Variants in UTS2 observed in about 807,000 individuals in gnomAD.
The protein encoded by UTS2 is urotensin 2, also known as urotensin-2.
Under a neutral mutation model 12.6 loss-of-function variants are expected in UTS2, and 10 were observed. The observed-to-expected ratio is 0.80, with a 90% CI of 0.49 to 1.35. The LOEUF is 1.35. Ranked by LOEUF, UTS2 falls within the 40% of genes most tolerant of loss-of-function variation. The pLI, the probability that UTS2 is intolerant of heterozygous loss-of-function variation, is 0.00. For missense variants in UTS2, 142 were observed against 143.2 expected (o/e 0.99, Z 0.04); for synonymous variants, 52 against 50.0 (o/e 1.04, Z -0.17).
upstream of UTS2, chr1:7,853,449 G>A: frequency 6.2e-7 from 1 of 1,610,066 alleles, no homozygotes; most frequent in Non-Finnish European, 8.5e-7. Context: ...TCTTTCATGA[G>A]TGAGTAGATG....
At chr1:7,853,520 G>A (rs190622380), upstream of UTS2, 152 of 1,508,504 alleles carry the variant, frequency 1.0e-4, 2 homozygotes, top group Admixed American at 3.0e-3. Context: ...GGATTAAAAC[G>A]TAAAACCAGC....
Position 7,850,916 on chromosome 1 carries a change from T to C in UTS2, c.110A>G (p.His37Arg). Residue 37 changes from histidine (H) to arginine (R), a missense_variant, in exon 2 of 4, where the codon CAT becomes CGT. His to Arg is a conservative substitution (Grantham distance 29). Transcript: ENST00000361696. ...REISFQLSAP[H>R]EDARLTPEEL... ...CTCCGGAGTTAAGCGCGCGTCTTCA[T>C]GAGGTGCTACAGAGTAAAAACAGAT... The C allele has an allele frequency of 1.9e-6, 3 of 1,614,074 alleles. No homozygotes were observed. Among genetic ancestry groups the C allele is most frequent in the Non-Finnish European group, 1.7e-6 (2 of 1,179,952 alleles).
chr1:7,894,060 C>T, the UTS2 span, among the ~76,000 whole-genome samples: 20 of 152,014 alleles, frequency 1.3e-4, no homozygotes, highest in Non-Finnish European at 2.9e-5. Flanking sequence ...TGCGTCTTGC[C>T]AAAGTAAATG....
the UTS2 span, among the ~76,000 whole-genome samples, chr1:7,890,022 G>A: frequency 3.3e-5 from 5 of 150,484 alleles, no homozygotes; most frequent in African/African-American, 4.9e-5. Context: ...AGTGGAGATC[G>A]CGCCGCTGCA....
the UTS2 span, among the ~76,000 whole-genome samples, chr1:7,873,792 G>T: frequency 3.9e-5 from 6 of 152,178 alleles, no homozygotes; most frequent in African/African-American, 1.4e-4. Flanking sequence ...AGCATTGGCA[G>T]GGTTTGAAAG....
rs763688114 is a variant in UTS2, at chr1:7,847,876, C to A, written c.265G>T (p.Asp89Tyr). The change falls in exon 4 of 4, where the codon GAT (aspartate) becomes TAT (tyrosine). Residue 89 changes from aspartate to tyrosine, a missense_variant. Physicochemically the swap from Asp to Tyr is radical, Grantham distance 160. Transcript: ENST00000361696. ...ATGTTAGGATCTTGTCCAGAGAAAT[C>A]CTGAAACTAAAACAATCCAAACGAA... ...NPRGNLRKFQ[D>Y]FSGQDPNILL... 4 of 1,607,532 alleles carry A rather than the reference C, an allele frequency of 2.5e-6. No homozygotes were observed. In the South Asian group the frequency reaches 4.5e-5, roughly 18 times the overall value.
chr1:7,870,858 G>GT, the UTS2 span, among the ~76,000 whole-genome samples: 4 of 143,732 alleles, frequency 2.8e-5, no homozygotes, highest in Non-Finnish European at 4.8e-5. Context: ...CAAAATTGAG[G>GT]TTTTTTACTC....
rs1163560567 is a variant in UTS2, at chr1:7,847,701, A to G, written c.*65T>C. 7 of 1,265,456 alleles carry G rather than the reference A, an allele frequency of 5.5e-6. No individual in the cohort carries two copies. In the African/African-American group the frequency reaches 7.5e-5, roughly 14 times the overall value. The allele number at this position is 1,265,456 out of a possible 1,614,324, so 78.4% of individuals were successfully genotyped here. On this transcript the variant is annotated 3_prime_UTR_variant, in exon 4 of 4. Transcript: ENST00000361696. ...TCTCCACACTGTTTTCAAATCAAGC[A>G]TTGTGTTATTTTTCATATTCTAAGA...
the UTS2 span, among the ~76,000 whole-genome samples, chr1:7,907,588 C>T: frequency 1.3e-5 from 2 of 151,094 alleles, no homozygotes; most frequent in African/African-American, 4.9e-5. Flanking sequence ...CTGCAGTGAG[C>T]TATGATCACA....
At position 7,850,792 on chromosome 1, in the gene UTS2, AAAC is replaced by A; in HGVS notation, c.214+17_214+19del. ...GTAGCAATTAAATCAGACACGCTAT[AAAC>A]ATGAGAAGCATTTTACCTGCTTTCC... On this transcript the variant is annotated intron_variant, in intron 2 of 3. Coordinates refer to ENST00000361696, the MANE Select transcript of UTS2 (RefSeq NM_006786.4). 1.2e-6 allele frequency: 2 copies of A among 1,611,298 alleles called. No individual in the cohort carries two copies. Among genetic ancestry groups the A allele is most frequent in the African/African-American group, 2.7e-5 (2 of 75,008 alleles).
chr1:7,867,355 G>A, the UTS2 span, among the ~76,000 whole-genome samples: 1 of 152,026 alleles, frequency 6.6e-6, no homozygotes, highest in Non-Finnish European at 1.5e-5. Context: ...TTGGAGAGAG[G>A]GCCTTTAAGG....
the UTS2 span, among the ~76,000 whole-genome samples, chr1:7,872,447 T>C: frequency 1.3e-5 from 2 of 152,160 alleles, no homozygotes; most frequent in Admixed American, 1.3e-4. Flanking sequence ...GGAAAAGCTC[T>C]TGAAGGAAAT....
chr1:7,884,979 T>TTCATCCATCCATCCAC, the UTS2 span, among the ~76,000 whole-genome samples: 4 of 145,020 alleles, frequency 2.8e-5, no homozygotes, highest in African/African-American at 7.9e-5. Context: ...CATCCACGCA[T>TTCATCCATCCATCCAC]TCATCCATCC....
chr1:7,870,794 T>C, the UTS2 span, among the ~76,000 whole-genome samples: 1 of 152,240 alleles, frequency 6.6e-6, no homozygotes, highest in Non-Finnish European at 1.5e-5. Flanking sequence ...TTATTACTTT[T>C]CCATTGTCAA....
chr1:7,869,579 A>G, the UTS2 span, among the ~76,000 whole-genome samples: 23,810 of 152,214 alleles, frequency 0.16, 2,037 homozygotes, highest in Middle Eastern at 0.27. Context: ...CTTAACTTCC[A>G]GGCATCATTT....
At chr1:7,872,786 T>C in the UTS2 span, among the ~76,000 whole-genome samples, 1 of 152,176 alleles carries the variant, frequency 6.6e-6, no homozygotes, top group East Asian at 1.9e-4. Flanking sequence ...GCTAAGATCA[T>C]TGATGAAGGT....
chr1:7,848,667 A>T (rs2097410410), intron 3 of UTS2, among the ~76,000 whole-genome samples: 1 of 151,744 alleles, frequency 6.6e-6, no homozygotes, highest in South Asian at 2.1e-4. Context: ...TTACAGGTGC[A>T]TGCCACCACG....
chr1:7,848,150 A>G (rs2097409786), intron 3 of UTS2, among the ~76,000 whole-genome samples: 1 of 152,092 alleles, frequency 6.6e-6, no homozygotes, highest in Non-Finnish European at 1.5e-5. Flanking sequence ...ACCGATTTCT[A>G]TTTAAATCAT....
At chr1:7,908,759 G>A in the UTS2 span, among the ~76,000 whole-genome samples, 2 of 152,026 alleles carry the variant, frequency 1.3e-5, no homozygotes. Flanking sequence ...CCACATGACT[G>A]GGGAGGCCTC....
Sources: gnomAD v4.1 joint callset for allele counts (sites outside exome capture counted in the v4.1 genomes callset) on GRCh38, gnomAD v4.1.1 for gene constraint, MANE v1.5 for transcripts, NCBI Gene and HGNC (gene_info 2026-07-23, HGNC 2026-07-21) for gene names.